The following RIF1 variants were observed in gnomAD, a reference collection of about 807,000 sequenced individuals.
RIF1 encodes telomere-associated protein RIF1.
A neutral mutation model predicts 247.1 loss-of-function variants in RIF1; 45 were observed. The observed-to-expected ratio is 0.18, with a 90% CI of 0.14 to 0.23. RIF1 has a LOEUF of 0.23. Among genes scored for constraint, RIF1 ranks in the 10% least tolerant of loss-of-function variants. The pLI is 1.00. For synonymous variants in RIF1, 1,087 were observed against 978.8 expected (o/e 1.11, Z -2.06); for missense variants, 2,967 against 2,862.5 (o/e 1.04, Z -0.83).
the RIF1 span, chr2:151,534,214 C>T: frequency 6.2e-7 from 1 of 1,612,474 alleles, no homozygotes; most frequent in Non-Finnish European, 8.5e-7. Context: ...CATCACAGTA[C>T]CTGACTGATC....
At chr2:151,410,193 G>A (rs935183933) in intron 1 of RIF1, 160 bp downstream of exon 1, 1 of 639,440 alleles carries the variant, frequency 1.6e-6, no homozygotes, top group Non-Finnish European at 2.8e-6. Context: ...GGTGGCGGGA[G>A]CGGGCCCAGG....
chr2:151,438,769 A>G (rs780043954), intron 14 of RIF1, 23 bp downstream of exon 14: 3 of 1,534,990 alleles, frequency 2.0e-6, no homozygotes, highest in East Asian at 2.3e-5. Flanking sequence ...ACACTGATCA[A>G]ATGTTGTTTT....
intron 29 of RIF1, 125 bp from the exon 30 acceptor site, chr2:151,462,759 T>G (rs1013754313): frequency 8.9e-6 from 6 of 677,020 alleles, no homozygotes; most frequent in Non-Finnish European, 1.5e-5. Flanking sequence ...ATAGTTGCCA[T>G]ATATTGAATG....
intron 9 of RIF1, among the ~76,000 whole-genome samples, chr2:151,488,714 C>G (rs536096331): frequency 6.6e-6 from 1 of 152,110 alleles, no homozygotes; most frequent in South Asian, 2.1e-4. Flanking sequence ...ACATCTAAAT[C>G]TTTGGTACAG....
At chr2:151,505,638 A>G (rs2068197364) in intron 12 of RIF1, 1 of 1,336,710 alleles carries the variant, frequency 7.5e-7, no homozygotes, top group Non-Finnish European at 1.1e-6. Context: ...CCCAACATGT[A>G]CATGTTTTTT....
At position 151,476,502 on chromosome 2, in the gene RIF1, T is replaced by C. The variant is rs961664312; in HGVS notation, c.*1431T>C. On this transcript the variant is annotated 3_prime_UTR_variant, in exon 36 of 36. Coordinates refer to ENST00000444746, the MANE Select transcript of RIF1 (RefSeq NM_018151.5). ...TAATCCCTACTTAGCAAGGCACACA[T>C]TCTACAGCAAGTCATAGAAAGTTTA... The C allele has an allele frequency of 2.0e-5, 3 of 152,180 alleles. No homozygotes were observed. The highest frequency in any genetic ancestry group is 4.4e-5 in the Non-Finnish European group (3 of 68,016). 9.4% of individuals were successfully genotyped at this position (152,180 alleles called of 1,614,324 possible).
intron 7 of RIF1, among the ~76,000 whole-genome samples, chr2:151,420,648 G>C (rs568265971): frequency 2.0e-5 from 3 of 151,394 alleles, no homozygotes; most frequent in East Asian, 1.9e-4. Flanking sequence ...AAGGCGGGAG[G>C]GTTGCTTGAC....
intron 31 of RIF1, 143 bp from the exon 32 acceptor site, chr2:151,468,331 G>A: frequency 1.2e-6 from 1 of 814,328 alleles, no homozygotes; most frequent in Non-Finnish European, 2.0e-6. Flanking sequence ...TAATGATCCA[G>A]CAAGTAATTG....
intron 18 of RIF1, 147 bp from the exon 19 acceptor site, chr2:151,445,191 A>G (rs1375181638): frequency 3.2e-6 from 2 of 625,574 alleles, no homozygotes; most frequent in Non-Finnish European, 5.7e-6. Context: ...CTACATGCGT[A>G]GGTTCGAGGG....
At position 151,464,869 on chromosome 2, in the gene RIF1, T is replaced by A. The variant is rs767232910; in HGVS notation, c.5349T>A (p.Ser1783=). Residue 1783 remains serine (S), a synonymous_variant, in exon 30 of 36, where the codon TCT becomes TCA. Coordinates refer to ENST00000444746, the MANE Select transcript of RIF1 (RefSeq NM_018151.5). ...AAACTTCTCAAGCTAATCCATATTC[T>A]GAAGGACAATTTTTAGATGAACATC... The part of the protein sequence containing the change: ...PSETSQANPY[S]EGQFLDEHHS... 2 of 1,596,812 alleles carry A rather than the reference T, an allele frequency of 1.3e-6. No individual in the cohort carries two copies. Among genetic ancestry groups the A allele is most frequent in the Non-Finnish European group, 1.7e-6 (2 of 1,175,382 alleles).
In RIF1 at chr2:151,410,482, C is replaced by T. The variant is rs1471054547; in HGVS notation, c.59C>T (p.Ser20Phe). ...CTGTTGGAGACTTTGGAAGACCCTT[C>T]TGCCTCCCATGGAGGGCAGACTGAC... is the stretch of plus-strand genomic sequence containing the variant. ...APLLETLEDP[S>F]ASHGGQTDAY... Residue 20 changes from serine (S) to phenylalanine (F), a missense_variant, in exon 2 of 36, where the codon TCT becomes TTT. Ser to Phe is a radical substitution (Grantham distance 155, BLOSUM62 -2). Transcript: ENST00000444746. The T allele has an allele frequency of 1.9e-6, 3 of 1,614,114 alleles. No individual in the cohort carries two copies. Among genetic ancestry groups the T allele is most frequent in the African/African-American group, 1.3e-5 (1 of 75,060 alleles).
intron 15 of RIF1, among the ~76,000 whole-genome samples, chr2:151,440,961 A>G (rs1487322984): frequency 6.6e-6 from 1 of 152,182 alleles, no homozygotes; most frequent in Non-Finnish European, 1.5e-5. Context: ...TAACTCTTCT[A>G]TGACATTTAA....
At chr2:151,494,639 TTTTG>T in intron 9 of RIF1, among the ~76,000 whole-genome samples, 1 of 151,822 alleles carries the variant, frequency 6.6e-6, no homozygotes. Context: ...GTTTGTTTTT[TTTTG>T]TTTTGTTTTG....
intron 10 of RIF1, among the ~76,000 whole-genome samples, chr2:151,495,685 CAAAA>C (rs978460170): frequency 3.3e-5 from 5 of 151,808 alleles, no homozygotes; most frequent in East Asian, 1.9e-4. Flanking sequence ...CAACAACAAA[CAAAA>C]AACGAAAACT....
Position 151,505,463 on chromosome 2 carries a change from G to A in RIF1, c.*862-747G>A, listed in dbSNP as rs769940234. ...GGCCAGTCACACAAATGGAAGCTGA[G>A]AGTATGGCCACTACCGAGCTAATGT... On this transcript the variant is annotated intron_variant and NMD_transcript_variant, in intron 12 of 13. Transcript: ENST00000454583. The A allele has an allele frequency of 6.2e-7, 1 of 1,607,514 alleles. No individual in the cohort carries two copies. Among genetic ancestry groups the A allele is most frequent in the South Asian group, 1.1e-5 (1 of 90,860 alleles).
intron 6 of RIF1, among the ~76,000 whole-genome samples, chr2:151,419,181 AG>A (rs1437430324): frequency 6.6e-6 from 1 of 152,050 alleles, no homozygotes; most frequent in Non-Finnish European, 1.5e-5. Flanking sequence ...AGGACCCTCA[AG>A]GCTACTTTGC....
intron 30 of RIF1, among the ~76,000 whole-genome samples, chr2:151,466,867 A>G (rs1696987369): frequency 6.6e-6 from 1 of 152,252 alleles, no homozygotes; most frequent in African/African-American, 2.4e-5. Flanking sequence ...CATTTTATAT[A>G]TACAAGCATG....
chr2:151,500,755 G>T (rs1432085687), intron 11 of RIF1, among the ~76,000 whole-genome samples: 4 of 151,812 alleles, frequency 2.6e-5, no homozygotes, highest in Non-Finnish European at 5.9e-5. Context: ...GTGCCACCAC[G>T]CTTGGCTAAT....
chr2:151,492,220 G>C, intron 9 of RIF1: 1 of 1,613,886 alleles, frequency 6.2e-7, no homozygotes, highest in Non-Finnish European at 8.5e-7. Context: ...TTCAGTGATA[G>C]GATCTGTCAC....
Sources: gnomAD v4.1 joint callset for allele counts (sites outside exome capture counted in the v4.1 genomes callset) on GRCh38, gnomAD v4.1.1 for gene constraint, MANE v1.5 for transcripts, NCBI Gene and HGNC (gene_info 2026-07-23, HGNC 2026-07-21) for gene names.